Variants in TMEM233 observed in about 807,000 individuals in gnomAD.
TMEM233 encodes dispanin subfamily B member 2.
Under a neutral mutation model 11.2 loss-of-function variants are expected in TMEM233, and 6 were observed. That is an observed-to-expected ratio of 0.54 (90% CI 0.29 to 1.06). TMEM233 has a LOEUF of 1.06. TMEM233 is among the 50% of genes least tolerant of loss of function. The pLI is 0.08. For missense variants in TMEM233, 127 were observed against 144.7 expected, an observed-to-expected ratio of 0.88 and a Z score of 0.63; for synonymous variants, 59 against 55.8, an observed-to-expected ratio of 1.06 and a Z score of -0.26.
intron 1 of TMEM233, among the ~76,000 whole-genome samples, chr12:119,605,557 C>T (rs867101795): frequency 1.9e-4 from 29 of 151,640 alleles, no homozygotes; most frequent in African/African-American, 6.8e-4. Context: ...GCCTCCCAGG[C>T]AGCTGGAACT....
the TMEM233 span, among the ~76,000 whole-genome samples, chr12:119,648,104 C>A: frequency 6.6e-6 from 1 of 152,054 alleles, no homozygotes; most frequent in South Asian, 2.1e-4. Flanking sequence ...CTTCCCCATG[C>A]CCTAGGTCAC....
the TMEM233 span, among the ~76,000 whole-genome samples, chr12:119,650,158 A>AAC: frequency 2.3e-4 from 1 of 4,286 alleles, no homozygotes. Flanking sequence ...ACTCCATCTC[A>AAC]AAAAAAAAAA....
intron 1 of TMEM233, among the ~76,000 whole-genome samples, chr12:119,612,609 G>A (rs914990250): frequency 1.1e-4 from 17 of 151,822 alleles, no homozygotes; most frequent in Non-Finnish European, 1.5e-4. Context: ...AAAATTAGCC[G>A]GGCGTGGTGG....
At chr12:119,615,908 C>T (rs1954521673) in intron 1 of TMEM233, among the ~76,000 whole-genome samples, 1 of 152,152 alleles carries the variant, frequency 6.6e-6, no homozygotes, top group Non-Finnish European at 1.5e-5. Context: ...CTGGCACAGC[C>T]TCATGACTGT....
chr12:119,645,701 AG>A (rs554417307), downstream of TMEM233, among the ~76,000 whole-genome samples: 9 of 152,310 alleles, frequency 5.9e-5, no homozygotes, highest in African/African-American at 1.9e-4. Flanking sequence ...ACCTCGGGTG[AG>A]CAGCCAGTCA....
intron 1 of TMEM233, among the ~76,000 whole-genome samples, chr12:119,617,268 G>C (rs879500406): frequency 6.6e-6 from 1 of 152,202 alleles, no homozygotes; most frequent in Admixed American, 6.5e-5. Flanking sequence ...GAATGGCTTT[G>C]ACCAAAATGC....
intron 1 of TMEM233, among the ~76,000 whole-genome samples, chr12:119,599,347 A>C (rs2136672668): frequency 6.6e-6 from 1 of 152,326 alleles, no homozygotes; most frequent in South Asian, 2.1e-4. Context: ...CCCATTCTCC[A>C]TGATGTGCTT....
intron 1 of TMEM233, among the ~76,000 whole-genome samples, chr12:119,597,202 T>C (rs974135372): frequency 6.6e-6 from 1 of 152,324 alleles, no homozygotes. Context: ...TCTTGTGATG[T>C]TCAGTCCTGG....
At chr12:119,598,405 G>A (rs1163983940) in intron 1 of TMEM233, among the ~76,000 whole-genome samples, 1 of 152,172 alleles carries the variant, frequency 6.6e-6, no homozygotes, top group African/African-American at 2.4e-5. Context: ...CTCTAATTAT[G>A]GATACACAAT....
chr12:119,635,468 C>T (rs1376053590), intron 2 of TMEM233, among the ~76,000 whole-genome samples: 6 of 152,184 alleles, frequency 3.9e-5, no homozygotes, highest in Admixed American at 3.9e-4. Flanking sequence ...TTTTTGCATC[C>T]CTAAGATAAA....
chr12:119,633,192 C>A (rs1954918473), intron 2 of TMEM233, among the ~76,000 whole-genome samples: 1 of 152,142 alleles, frequency 6.6e-6, no homozygotes, highest in Non-Finnish European at 1.5e-5. Context: ...TTATTAAACT[C>A]TCTGTGCCTC....
chr12:119,646,961 AGC>A (rs1266885084), downstream of TMEM233, among the ~76,000 whole-genome samples: 49 of 152,362 alleles, frequency 3.2e-4, 1 homozygote, highest in African/African-American at 1.2e-3. Context: ...AAACACACAC[AGC>A]AGCCAGGGTT....
chr12:119,593,979 CG>C lies in TMEM233; in HGVS notation c.132del (p.Cys45ValfsTer20). On this transcript the variant is annotated frameshift_variant, in exon 1 of 3. Coordinates refer to ENST00000426426, the MANE Select transcript of TMEM233 (RefSeq NM_001136534.3). LOFTEE classifies it high-confidence loss of function. The surrounding 1 kb of genome is among the most constrained non-coding windows in gnomAD (Gnocchi z 4.1). ...AACTACCTGTGGCTCACCATCGTCTCGTGTTTTTGCCCTGCGTACCCCATCA... is the reference window on the plus strand; with the variant it reads ...AACTACCTGTGGCTCACCATCGTCTCTGTTTTTGCCCTGCGTACCCCATCA... ...PKNYLWLTIVSCFCPAYPINI... is the reference protein window; with the variant it reads ...PKNYLWLTIVXCFCPAYPINI... 6.4e-7 allele frequency: 1 copy of C among 1,551,730 alleles called. No homozygotes were observed. The highest frequency in any genetic ancestry group is 8.7e-7 in the Non-Finnish European group (1 of 1,146,982).
chr12:119,601,657 CAA>C (rs34870019), intron 1 of TMEM233, among the ~76,000 whole-genome samples: 1,626 of 90,470 alleles, frequency 0.018, 16 homozygotes, highest in African/African-American at 0.051. Context: ...GATTCCGCCT[CAA>C]AAAAAAAAAA....
chr12:119,640,526 C>A (rs1397762171), intron 2 of TMEM233, among the ~76,000 whole-genome samples, 173 bp from the exon 3 acceptor site: 1 of 152,160 alleles, frequency 6.6e-6, no homozygotes, highest in Non-Finnish European at 1.5e-5. Flanking sequence ...GAATATGTTT[C>A]TCAAAAGGAA....
downstream of TMEM233, among the ~76,000 whole-genome samples, chr12:119,643,965 T>A (rs1955118584): frequency 6.6e-6 from 1 of 152,194 alleles, no homozygotes; most frequent in African/African-American, 2.4e-5. Context: ...CCCAACTTGC[T>A]GAGTTCATTT....
chr12:119,634,793 C>T (rs183450415), intron 2 of TMEM233, among the ~76,000 whole-genome samples: 2 of 152,222 alleles, frequency 1.3e-5, no homozygotes, highest in Non-Finnish European at 2.9e-5. Flanking sequence ...ACTTCCTTGG[C>T]GTAGTCTCAG....
intron 1 of TMEM233, among the ~76,000 whole-genome samples, chr12:119,596,972 T>TA (rs1428103005): frequency 5.9e-5 from 9 of 152,238 alleles, no homozygotes; most frequent in African/African-American, 2.2e-4. Context: ...AACCTGGAGA[T>TA]ATCATGTTAC....
intron 2 of TMEM233, among the ~76,000 whole-genome samples, chr12:119,632,699 C>T (rs1377984491): frequency 1.3e-5 from 2 of 152,130 alleles, no homozygotes; most frequent in Non-Finnish European, 2.9e-5. Context: ...GTATGCAGGC[C>T]TCATGGGGCT....
Sources: allele counts gnomAD v4.1 joint callset (sites outside exome capture counted in the v4.1 genomes callset), GRCh38; gene constraint gnomAD v4.1.1; non-coding constraint Gnocchi (gnomAD v3.1); transcripts MANE v1.5; gene names NCBI Gene and HGNC (gene_info 2026-07-23, HGNC 2026-07-21).